The following PDE10A variants were observed in gnomAD, a reference collection of about 807,000 sequenced individuals.
PDE10A encodes the protein cAMP and cAMP-inhibited cGMP 3',5'-cyclic phosphodiesterase 10A.
A neutral mutation model predicts 97.7 loss-of-function variants in PDE10A; 39 were observed. The observed-to-expected ratio is 0.40, with a 90% CI of 0.31 to 0.52. PDE10A has a LOEUF of 0.52. Ranked by LOEUF, PDE10A falls within the 20% of genes least tolerant of loss-of-function variation. The pLI is 0.56. For missense variants in PDE10A, 731 were observed against 1,047.8 expected (o/e 0.70, Z 4.17); for synonymous variants, 371 against 376.8 (o/e 0.98, Z 0.18).
intron 1 of PDE10A, among the ~76,000 whole-genome samples, chr6:165,860,691 G>A (rs995996975): frequency 3.3e-5 from 5 of 152,184 alleles, no homozygotes; most frequent in African/African-American, 9.7e-5. Context: ...GCAAGTAGGC[G>A]AATTTGCAAA....
chr6:165,613,823 T>C (rs1787605766), intron 1 of PDE10A, among the ~76,000 whole-genome samples: 1 of 152,150 alleles, frequency 6.6e-6, no homozygotes, highest in Non-Finnish European at 1.5e-5. Flanking sequence ...GACTCCAACA[T>C]TAACTGCTAA....
chr6:165,901,861 C>G (rs1330762916), intron 1 of PDE10A, among the ~76,000 whole-genome samples: 2 of 92,230 alleles, frequency 2.2e-5, no homozygotes, highest in Non-Finnish European at 4.1e-5. Flanking sequence ...TTTATTTGTC[C>G]CCATGACTAA....
intron 2 of PDE10A, among the ~76,000 whole-genome samples, chr6:165,506,993 GATGTTTAGAATTT>G (rs1781233536): frequency 6.6e-6 from 1 of 152,094 alleles, no homozygotes; most frequent in African/African-American, 2.4e-5. Context: ...TTTAGTAATT[GATGTTTAGAATTT>G]ATGTTTTTGA....
intron 12 of PDE10A, among the ~76,000 whole-genome samples, chr6:165,414,232 G>A (rs1037931866): frequency 6.6e-6 from 1 of 152,150 alleles, no homozygotes; most frequent in African/African-American, 2.4e-5. Context: ...GTCTGATTCT[G>A]CCATCACCCC....
chr6:165,810,877 G>A (rs542451050), intron 1 of PDE10A, among the ~76,000 whole-genome samples: 2 of 151,854 alleles, frequency 1.3e-5, no homozygotes, highest in African/African-American at 4.9e-5. Flanking sequence ...ACTGCTACTA[G>A]ATTAATCTTT....
At chr6:165,512,949 A>G (rs1167438984) in intron 2 of PDE10A, among the ~76,000 whole-genome samples, 3 of 151,980 alleles carry the variant, frequency 2.0e-5, no homozygotes, top group Non-Finnish European at 4.4e-5. Context: ...GGCCATTTAT[A>G]TATTCTCTTT....
At chr6:165,884,192 T>G (rs184445190) in intron 1 of PDE10A, among the ~76,000 whole-genome samples, 44 of 152,254 alleles carry the variant, frequency 2.9e-4, no homozygotes, top group African/African-American at 1.0e-3. Context: ...AAATTGTGCT[T>G]TGGGGCACAC....
intron 1 of PDE10A, among the ~76,000 whole-genome samples, chr6:165,752,778 A>G (rs1409906136): frequency 6.6e-6 from 1 of 152,226 alleles, no homozygotes; most frequent in Non-Finnish European, 1.5e-5. Context: ...TTCTTAGATT[A>G]GAATCCCTAA....
chr6:165,493,989 C>T (rs371494824), intron 2 of PDE10A, among the ~76,000 whole-genome samples: 5 of 151,534 alleles, frequency 3.3e-5, no homozygotes, highest in African/African-American at 1.2e-4. Context: ...AAAACAATCC[C>T]ATCAGTAAGT....
intron 13 of PDE10A, among the ~76,000 whole-genome samples, chr6:165,402,849 C>T (rs1011337658): frequency 1.3e-5 from 2 of 152,084 alleles, no homozygotes; most frequent in African/African-American, 4.8e-5. Context: ...GTTATTGGGG[C>T]CTATTTACAC....
chr6:165,845,191 C>T (rs1470070994), intron 1 of PDE10A, among the ~76,000 whole-genome samples: 3 of 152,284 alleles, frequency 2.0e-5, no homozygotes, highest in Admixed American at 6.5e-5. Flanking sequence ...TGATGAAAAA[C>T]GGTTTCAATG....
chr6:165,483,606 T>C (rs1175830262), intron 2 of PDE10A, among the ~76,000 whole-genome samples: 1 of 152,252 alleles, frequency 6.6e-6, no homozygotes, highest in Non-Finnish European at 1.5e-5. Context: ...CAGAGGCATA[T>C]GTGCTTTTAA....
At chr6:165,434,016 CAAAAAAAA>C (rs759945561) in intron 6 of PDE10A, among the ~76,000 whole-genome samples, 2 of 54,568 alleles carry the variant, frequency 3.7e-5, no homozygotes, top group Admixed American at 2.1e-4. Flanking sequence ...GACTCCGTCT[CAAAAAAAA>C]AAAAAAAAAA....
chr6:165,407,862 T>C (rs220772), intron 13 of PDE10A, among the ~76,000 whole-genome samples: 79,658 of 152,070 alleles, frequency 0.52, 21,255 homozygotes, highest in Middle Eastern at 0.7. Flanking sequence ...AAAGATGTTT[T>C]CTGTTGATAG....
intron 1 of PDE10A, among the ~76,000 whole-genome samples, chr6:165,608,165 G>T (rs1264484553): frequency 1.3e-5 from 2 of 150,844 alleles, no homozygotes; most frequent in East Asian, 3.9e-4. Context: ...ACAACGTGCA[G>T]GTTTGTTACG....
intron 2 of PDE10A, among the ~76,000 whole-genome samples, chr6:165,524,660 G>T (rs1164204306): frequency 2.1e-5 from 1 of 47,582 alleles, no homozygotes; most frequent in Non-Finnish European, 5.3e-5. Flanking sequence ...TGCTAAGATT[G>T]CCCTGAGTCA....
At chr6:165,764,356 C>T (rs1777748718) in intron 1 of PDE10A, among the ~76,000 whole-genome samples, 1 of 152,096 alleles carries the variant, frequency 6.6e-6, no homozygotes, top group African/African-American at 2.4e-5. Flanking sequence ...TTTAATATAT[C>T]CTAGTGTTAA....
intron 1 of PDE10A, among the ~76,000 whole-genome samples, chr6:165,800,326 T>C (rs1247976897): frequency 6.6e-6 from 1 of 152,210 alleles, no homozygotes; most frequent in East Asian, 1.9e-4. Flanking sequence ...CCTGGGACTG[T>C]CTGCCTGTAA....
In PDE10A at chr6:165,392,725, T is replaced by C; in HGVS notation, c.2375A>G (p.Asn792Ser). 1 of 1,613,944 alleles carries C rather than the reference T, an allele frequency of 6.2e-7. No homozygotes were observed. Among genetic ancestry groups the C allele is most frequent in the Non-Finnish European group, 8.5e-7 (1 of 1,179,820 alleles). ...TGCTACAGTGACCGCATGCTTCCAG[T>C]TGTGATAAGGAACCCGCCGATAGTT... ...KKNYRRVPYH[N>S]WKHAVTVAHC... Residue 792 changes from asparagine to serine, a missense_variant, in exon 16 of 22, where the codon AAC (asparagine) becomes AGC (serine). Physicochemically the swap from Asn to Ser is conservative, Grantham distance 46 (BLOSUM62 1). This residue lies in a region of PDE10A where 131 missense variants were observed against 187.4 expected (regional missense o/e 0.70). Transcript: ENST00000539869.
Sources: allele counts gnomAD v4.1 joint callset (sites outside exome capture counted in the v4.1 genomes callset), GRCh38; gene constraint gnomAD v4.1.1; regional missense constraint gnomAD v4.1.1; transcripts MANE v1.5; gene names NCBI Gene and HGNC (gene_info 2026-07-23, HGNC 2026-07-21).